Variants in ARHGAP19 observed in about 807,000 individuals in gnomAD.
ARHGAP19 encodes the protein Rho GTPase activating protein 19, also known as rho GTPase-activating protein 19.
A neutral mutation model predicts 60.9 loss-of-function variants in ARHGAP19; 48 were observed. The observed-to-expected ratio is 0.79, with a 90% CI of 0.62 to 1.00. The LOEUF is 1.00. ARHGAP19 is among the 50% of genes least tolerant of loss of function. The pLI, the probability that ARHGAP19 is intolerant of heterozygous loss-of-function variation, is 0.00. For synonymous variants in ARHGAP19, 209 were observed against 215.5 expected, an observed-to-expected ratio of 0.97 and a Z score of 0.27; for missense variants, 562 against 597.2, an observed-to-expected ratio of 0.94 and a Z score of 0.61.
At chr10:97,256,941 G>A (rs1197082248) in intron 5 of ARHGAP19, among the ~76,000 whole-genome samples, 3 of 152,082 alleles carry the variant, frequency 2.0e-5, no homozygotes, top group African/African-American at 4.8e-5. Flanking sequence ...CTAACACAGT[G>A]AAACACCGTC....
intron 1 of ARHGAP19, among the ~76,000 whole-genome samples, chr10:97,273,962 TACAC>T (rs55827822): frequency 2.1e-3 from 319 of 149,982 alleles, no homozygotes; most frequent in Non-Finnish European, 3.9e-3. Flanking sequence ...AAGCCACACA[TACAC>T]ACACACACAC....
intron 1 of ARHGAP19, among the ~76,000 whole-genome samples, chr10:97,266,366 A>G (rs1842899144): frequency 6.6e-6 from 1 of 152,182 alleles, no homozygotes; most frequent in Non-Finnish European, 1.5e-5. Flanking sequence ...GTCCACAAAT[A>G]GGTTTTACTT....
At chr10:97,271,319 T>C (rs566882623) in intron 1 of ARHGAP19, among the ~76,000 whole-genome samples, 1 of 152,004 alleles carries the variant, frequency 6.6e-6, no homozygotes, top group South Asian at 2.1e-4. Context: ...GTACTATCCA[T>C]TCATAATAAA....
intron 1 of ARHGAP19, among the ~76,000 whole-genome samples, chr10:97,269,859 T>C (rs940560264): frequency 2.6e-5 from 4 of 152,224 alleles, no homozygotes; most frequent in African/African-American, 7.2e-5. Flanking sequence ...CTTACACTTT[T>C]ATTAATATCC....
intron 3 of ARHGAP19, 48 bp downstream of exon 3, chr10:97,264,778 C>T: frequency 1.4e-6 from 2 of 1,447,938 alleles, no homozygotes; most frequent in Non-Finnish European, 1.9e-6. Context: ...CAACAGAAAA[C>T]AGAATTCTTC....
intron 3 of ARHGAP19, among the ~76,000 whole-genome samples, chr10:97,264,110 C>G (rs1842866272): frequency 6.6e-6 from 1 of 152,134 alleles, no homozygotes; most frequent in South Asian, 2.1e-4. Context: ...TCTAATGTGT[C>G]AAATTCCTAA....
chr10:97,270,405 A>G lies in ARHGAP19; in HGVS notation c.57-4280T>C, dbSNP rs1461560315. 2.0e-5 allele frequency among the ~76,000 whole-genome samples: 3 copies of G among 152,320 alleles called. 1 individual carries two copies. The South Asian group carries it at 6.2e-4, about 32-fold the overall frequency. ...TTTCTTAAAGTTATTCCCATATCAC[A>G]AAGCCCACTAATCCCTTTCCAAAGA... On this transcript the variant is annotated intron_variant, in intron 1 of 11. Transcript: ENST00000358531.
intron 1 of ARHGAP19, among the ~76,000 whole-genome samples, chr10:97,278,504 G>C (rs1323925394): frequency 6.6e-6 from 1 of 152,124 alleles, no homozygotes; most frequent in Non-Finnish European, 1.5e-5. Flanking sequence ...CCTAACTCAA[G>C]ATATAACTCA....
intron 1 of ARHGAP19, among the ~76,000 whole-genome samples, chr10:97,282,795 C>G (rs997996813): frequency 6.7e-6 from 1 of 150,052 alleles, no homozygotes; most frequent in African/African-American, 2.5e-5. Context: ...AGTTTATAAC[C>G]TATTAAATGT....
At chr10:97,288,671 G>A (rs183755934) in intron 1 of ARHGAP19, among the ~76,000 whole-genome samples, 24 of 151,574 alleles carry the variant, frequency 1.6e-4, no homozygotes, top group Non-Finnish European at 1.9e-4. Flanking sequence ...TTATCACCAC[G>A]AGAAAATATT....
intron 9 of ARHGAP19, among the ~76,000 whole-genome samples, chr10:97,230,659 TAATA>T (rs1286272526): frequency 6.6e-6 from 1 of 152,216 alleles, no homozygotes; most frequent in African/African-American, 2.4e-5. Flanking sequence ...CATTCTGATT[TAATA>T]AATAATTTAC....
chr10:97,231,975 C>G (rs1412042208), intron 9 of ARHGAP19, among the ~76,000 whole-genome samples: 1 of 144,014 alleles, frequency 6.9e-6, no homozygotes, highest in African/African-American at 2.7e-5. Context: ...TGTTATTTTC[C>G]GTTGTTTTTT....
intron 6 of ARHGAP19, among the ~76,000 whole-genome samples, chr10:97,252,387 C>A (rs1320484642): frequency 6.6e-6 from 1 of 150,668 alleles, no homozygotes. Flanking sequence ...TTTTGGGAGG[C>A]TGAGGTGGGC....
intron 8 of ARHGAP19, among the ~76,000 whole-genome samples, chr10:97,239,170 C>T (rs925141424): frequency 6.6e-6 from 1 of 152,162 alleles, no homozygotes; most frequent in African/African-American, 2.4e-5. Context: ...TAGAACATAT[C>T]CCAATCATCA....
chr10:97,279,524 C>A (rs1168862523), intron 1 of ARHGAP19, among the ~76,000 whole-genome samples: 2 of 151,354 alleles, frequency 1.3e-5, no homozygotes, highest in East Asian at 3.9e-4. Context: ...GCTGGGTCTT[C>A]CCTTGTTGCC....
chr10:97,260,563 T>C (rs977415359), intron 4 of ARHGAP19, among the ~76,000 whole-genome samples: 7 of 151,544 alleles, frequency 4.6e-5, no homozygotes, highest in Non-Finnish European at 8.8e-5. Flanking sequence ...AACAAAAAAC[T>C]ATAAATCAAA....
rs1347537060 is a variant in ARHGAP19, at chr10:97,244,091, G to A, written c.1062C>T (p.Asn354=). The part of the protein sequence containing the change: ...SFQLAKSQKR[N]RVDSCPHQEE... ...CCTGGTGAGGGCAGGAATCTACCCG[G>A]TTCCGTTTCTGAGACTTTGCCAGCT... Residue 354 remains asparagine (N), a synonymous_variant, in exon 8 of 12, where the codon AAC becomes AAT. Coordinates refer to ENST00000358531, the MANE Select transcript of ARHGAP19 (RefSeq NM_032900.6). 1.9e-6 allele frequency: 3 copies of A among 1,613,878 alleles called. No individual in the cohort carries two copies. Among genetic ancestry groups the A allele is most frequent in the Non-Finnish European group, 2.5e-6 (3 of 1,179,966 alleles).
In ARHGAP19 at chr10:97,259,778, T is replaced by C. The variant is rs1404728822; in HGVS notation, c.614-150A>G. ...ACAATTCAAAGACTACAGCAAAACA[T>C]AATAACAAAATAATGTCAATGCAAT... is the stretch of plus-strand genomic sequence containing the variant. On this transcript the variant is annotated intron_variant, in intron 4 of 11. Coordinates refer to ENST00000358531, the MANE Select transcript of ARHGAP19 (RefSeq NM_032900.6). The C allele has an allele frequency of 2.2e-5, 14 of 628,668 alleles. No homozygotes were observed. The East Asian group carries it at 3.8e-4, about 17-fold the overall frequency. The allele number at this position is 628,668 out of a possible 1,614,324, so 38.9% of individuals were successfully genotyped here. A position where few individuals can be genotyped will look rare whatever the true frequency, so the allele number is the denominator to read the frequency against.
At position 97,223,978 on chromosome 10, in the gene ARHGAP19, A is replaced by C. The variant is rs1281120326; in HGVS notation, c.*2144T>G. 6.6e-6 allele frequency: 1 copy of C among 152,234 alleles called. No individual in the cohort carries two copies. The highest frequency in any genetic ancestry group is 6.5e-5 in the Admixed American group (1 of 15,280). 9.4% of individuals were successfully genotyped at this position (152,234 alleles called of 1,614,324 possible). ...CCACCCAAGGAGACCAGCTATATAA[A>C]GGCATGTGCATGTGATAAATATCTC... On this transcript the variant is annotated 3_prime_UTR_variant, in exon 12 of 12. Coordinates refer to ENST00000358531, the MANE Select transcript of ARHGAP19 (RefSeq NM_032900.6).
Sources: allele counts gnomAD v4.1 joint callset (sites outside exome capture counted in the v4.1 genomes callset), GRCh38; gene constraint gnomAD v4.1.1; transcripts MANE v1.5; gene names NCBI Gene and HGNC (gene_info 2026-07-23, HGNC 2026-07-21).